APOB: variants seen among roughly 807,000 people sequenced by gnomAD.
The protein encoded by APOB is apolipoprotein B-100.
APOB carries 153 observed loss-of-function variants against 314.1 expected under a neutral mutation model. The ratio of observed to expected loss-of-function variants is 0.49; its 90% CI spans 0.43 to 0.56. The LOEUF is 0.56. Among genes scored for constraint, APOB ranks in the 20% least tolerant of loss-of-function variants. The probability of loss-of-function intolerance (pLI) is 0.00; values close to 1 mark genes in which losing one functional copy is unlikely to be tolerated. For synonymous variants in APOB, 2,087 were observed against 2,036.4 expected (o/e 1.02, Z -0.67); for missense variants, 5,430 against 5,350.7 (o/e 1.01, Z -0.46).
rs144849403 is a variant in APOB at position 21,011,246 on chromosome 2, C to T, written c.5622G>A (p.Gly1874=). The change falls in exon 26 of 29, where the codon GGG becomes GGA. Residue 1874 remains glycine (G), a synonymous_variant. Transcript: ENST00000233242. ...FSHRLNTDIA[G]LASAIDMSTN... The stretch of plus-strand genomic sequence containing the variant: ...TGCTCATGTCAATGGCTGAAGCCAG[C>T]CCAGCGATGTCTGTGTTGAGCCGAT... The T allele has an allele frequency of 9.3e-6, 15 of 1,614,224 alleles. No individual in the cohort carries two copies. The highest frequency in any genetic ancestry group is 1.6e-4 in the Middle Eastern group (1 of 6,062).
intron 21 of APOB, 92 bp downstream of exon 21, chr2:21,016,347 C>A: frequency 1.3e-6 from 1 of 749,190 alleles, no homozygotes; most frequent in Non-Finnish European, 2.4e-6. Context: ...TAGGGGAGAA[C>A]ATGGCTTGGT....
chr2:21,018,881 G>A (rs1663534891), intron 20 of APOB, 111 bp downstream of exon 20: 11 of 1,515,222 alleles, frequency 7.3e-6, no homozygotes, highest in Middle Eastern at 1.7e-4. Context: ...CCGCTTAGTG[G>A]GTACTCAGTT....
chr2:21,027,405 C>T (rs1663758319), intron 14 of APOB, among the ~76,000 whole-genome samples: 1 of 151,074 alleles, frequency 6.6e-6, no homozygotes, highest in South Asian at 2.1e-4. Context: ...GCTCAGCCTC[C>T]TGGGTTCACG....
At chr2:21,003,493 A>G (rs1252711491) in intron 28 of APOB, among the ~76,000 whole-genome samples, 159 bp from the exon 29 acceptor site, 1 of 152,186 alleles carries the variant, frequency 6.6e-6, no homozygotes, top group Non-Finnish European at 1.5e-5. Flanking sequence ...TGTTTGTTTT[A>G]TGGTTAAATA....
intron 14 of APOB, 89 bp from the exon 15 acceptor site, chr2:21,027,053 T>A: frequency 8.2e-7 from 1 of 1,217,728 alleles, no homozygotes. Context: ...TCCATTTATC[T>A]AAACAAGTAT....
chr2:21,025,180 C>T, intron 15 of APOB, 56 bp from the exon 16 acceptor site: 1 of 1,562,754 alleles, frequency 6.4e-7, no homozygotes, highest in South Asian at 1.1e-5. Context: ...AAACACCTTT[C>T]AGTTCCCAAT....
rs746483297 is a variant in APOB at position 21,009,310 on chromosome 2, G to A, written c.7558C>T (p.Arg2520Ter). The change falls in exon 26 of 29, where the codon CGA becomes TGA. Residue 2520 changes from arginine (R) to a stop codon, truncating the protein, a stop_gained. Coordinates refer to ENST00000233242, the MANE Select transcript of APOB (RefSeq NM_000384.3). LOFTEE classifies it high-confidence loss of function. ...ATGTCCATTTGATACATTCGGTCTC[G>A]TGTATCTTCTAGGGTCTCTCGGAAT... ...AKFRETLEDT[R>*]DRMYQMDIQQ... 9.3e-6 allele frequency: 15 copies of A among 1,614,072 alleles called. No homozygotes were observed. Among genetic ancestry groups the A allele is most frequent in the Non-Finnish European group, 1.2e-5 (14 of 1,179,962 alleles).
In APOB at chr2:21,001,566, C is replaced by T; in HGVS notation, c.*164G>A. On this transcript the variant is annotated 3_prime_UTR_variant, in exon 29 of 29. Coordinates refer to ENST00000233242, the MANE Select transcript of APOB (RefSeq NM_000384.3). The stretch of plus-strand genomic sequence containing the variant: ...GAGACCTTCCGAGCCCTGGTGCCAG[C>T]TTTGGTGCAGGTCCAGTTCATATGT... 4.6e-6 allele frequency: 3 copies of T among 650,766 alleles called. No individual in the cohort carries two copies. Among genetic ancestry groups the T allele is most frequent in the Non-Finnish European group, 7.7e-6 (3 of 389,004 alleles). 40.3% of individuals were successfully genotyped at this position (650,766 alleles called of 1,614,324 possible).
intron 7 of APOB, 72 bp from the exon 8 acceptor site, chr2:21,034,973 C>T: frequency 1.2e-6 from 1 of 838,684 alleles, no homozygotes; most frequent in Non-Finnish European, 2.1e-6. Flanking sequence ...GAAGGTTTTC[C>T]CTGTCTCTGC....
Position 21,010,048 on chromosome 2 carries a change from G to A in APOB, c.6820C>T (p.Gln2274Ter). The A allele has an allele frequency of 6.2e-7, 1 of 1,613,540 alleles. No individual in the cohort carries two copies. The highest frequency in any genetic ancestry group is 8.5e-7 in the Non-Finnish European group (1 of 1,179,906). ...GCTAGGTGCTGGATGTCTATATTCTGTATGTGTCTCTTAAGCTGCTGCAGT... is the reference window on the plus strand; with the variant it reads ...GCTAGGTGCTGGATGTCTATATTCTATATGTGTCTCTTAAGCTGCTGCAGT... ...EKLQQLKRHIQNIDIQHLAGK... is the reference protein window; with the variant it reads ...EKLQQLKRHI Residue 2274 changes from glutamine (Q) to a stop codon, truncating the protein, a stop_gained, in exon 26 of 29, where the codon CAG (glutamine) becomes TAG (stop). Transcript: ENST00000233242. LOFTEE classifies it high-confidence loss of function.
Position 21,043,523 on chromosome 2 carries a change from C to G in APOB, c.111G>C (p.Leu37=). ...GCGCAGATGCCTTACTTGGACAGAC[C>G]AGGCTGACATTTTCCAGCATTTCCT... The part of the protein sequence containing the change: ...AEEEMLENVS[L]VCPKDATRFK... The change falls in exon 2 of 29, where the codon CTG becomes CTC. Residue 37 remains leucine, a synonymous_variant. Coordinates refer to ENST00000233242, the MANE Select transcript of APOB (RefSeq NM_000384.3). 1.2e-6 allele frequency: 2 copies of G among 1,605,144 alleles called. No homozygotes were observed. Among genetic ancestry groups the G allele is most frequent in the South Asian group, 2.2e-5 (2 of 88,966 alleles).
intron 16 of APOB, 27 bp from the exon 17 acceptor site, chr2:21,023,719 TA>T: frequency 6.4e-7 from 1 of 1,568,194 alleles, no homozygotes; most frequent in Non-Finnish European, 8.6e-7. Context: ...GGAGAGCAAA[TA>T]AAAGTAAGTC....
Position 21,027,736 on chromosome 2 carries a change from G to T in APOB, c.2067+92C>A, listed in dbSNP as rs948036927. 5 of 1,004,058 alleles carry T rather than the reference G, an allele frequency of 5.0e-6. No homozygotes were observed. The African/African-American group carries it at 6.3e-5, about 13-fold the overall frequency. 62.2% of individuals were successfully genotyped at this position (1,004,058 alleles called of 1,614,324 possible). A position where few individuals can be genotyped will look rare whatever the true frequency, so the allele number is the denominator to read the frequency against. Reference sequence around the variant, plus strand: ...GGTAGGAAGTGCCTGGTGGTTCTTAGTTTTCCTCTGGGTAGCTCCTGGCTC... The same window carrying T: ...GGTAGGAAGTGCCTGGTGGTTCTTATTTTTCCTCTGGGTAGCTCCTGGCTC... On this transcript the variant is annotated intron_variant, in intron 14 of 28. Transcript: ENST00000233242.
chr2:21,024,694 G>T, intron 16 of APOB: 1 of 670,276 alleles, frequency 1.5e-6, no homozygotes, highest in South Asian at 1.7e-5. Context: ...TTTTCCAGAT[G>T]AATAAATTAA....
intron 3 of APOB, 106 bp from the exon 4 acceptor site, chr2:21,041,189 CTGGG>C: frequency 1.7e-6 from 2 of 1,191,690 alleles, no homozygotes; most frequent in Non-Finnish European, 2.4e-6. Flanking sequence ...GGGAATGGTG[CTGGG>C]AACACCACTG....
chr2:21,034,716 G>T (rs1572800065), intron 8 of APOB, 100 bp downstream of exon 8: 2 of 787,808 alleles, frequency 2.5e-6, no homozygotes, highest in Admixed American at 1.7e-5. Context: ...TGTATCACTT[G>T]TTAGTCAGCA....
Position 21,007,081 on chromosome 2 carries a change from A to G in APOB, c.9787T>C (p.Phe3263Leu). Reference sequence around the variant, plus strand: ...CCGAATGCCGACATCTCTATGGTGAATGGAGACACTTCAACATTGACAACT... The same window carrying G: ...CCGAATGCCGACATCTCTATGGTGAGTGGAGACACTTCAACATTGACAACT... ...VPVVNVEVSP[F>L]TIEMSAFGYV... is the part of the protein sequence containing the mutation. Residue 3263 changes from phenylalanine (F) to leucine (L), a missense_variant, in exon 26 of 29, where the codon TTC becomes CTC. Phe to Leu is a conservative substitution (Grantham distance 22). Around this residue, in one of 3 missense-constraint regions of APOB, gnomAD observed 3,281 missense variants for 3,171.0 expected, o/e 1.03. Coordinates refer to ENST00000233242, the MANE Select transcript of APOB (RefSeq NM_000384.3). 2 of 1,614,044 alleles carry G rather than the reference A, an allele frequency of 1.2e-6. No homozygotes were observed. The highest frequency in any genetic ancestry group is 1.7e-6 in the Non-Finnish European group (2 of 1,179,964).
intron 12 of APOB, 77 bp downstream of exon 12, chr2:21,029,562 A>G (rs1663825578): frequency 7.3e-6 from 11 of 1,499,056 alleles, no homozygotes; most frequent in East Asian, 2.3e-5. Context: ...GATGAAATCT[A>G]GAGTCTCATT....
chr2:21,025,352 G>T (rs1663704753), intron 15 of APOB, among the ~76,000 whole-genome samples: 1 of 152,140 alleles, frequency 6.6e-6, no homozygotes, highest in African/African-American at 2.4e-5. Flanking sequence ...TAAAAAATCT[G>T]TAGACATAGT....
Sources: gnomAD v4.1 joint callset for allele counts (sites outside exome capture counted in the v4.1 genomes callset) on GRCh38, gnomAD v4.1.1 for gene constraint, gnomAD v4.1.1 regional missense constraint, MANE v1.5 for transcripts, NCBI Gene and HGNC (gene_info 2026-07-23, HGNC 2026-07-21) for gene names.